GABRA2: variants seen among roughly 807,000 people sequenced by gnomAD.
GABRA2 encodes gamma-aminobutyric acid type A receptor subunit alpha2.
GABRA2 carries 16 observed loss-of-function variants against 48.7 expected under a neutral mutation model. The observed-to-expected ratio is 0.33, with a 90% confidence interval of 0.22 to 0.50. The LOEUF (loss-of-function observed/expected upper bound fraction) is 0.50, where lower values mean the gene tolerates loss of function less well. Ranked by LOEUF, GABRA2 falls within the 20% of genes least tolerant of loss-of-function variation. The probability of loss-of-function intolerance (pLI) is 0.98; values close to 1 mark genes in which losing one functional copy is unlikely to be tolerated. For missense variants in GABRA2, 275 were observed against 535.6 expected (o/e 0.51, Z 4.80); for synonymous variants, 185 against 184.5 (o/e 1.00, Z -0.02).
intron 4 of GABRA2, among the ~76,000 whole-genome samples, chr4:46,314,731 A>G (rs772295602): frequency 3.3e-5 from 5 of 152,070 alleles, no homozygotes; most frequent in Non-Finnish European, 7.4e-5. Context: ...AAGTGAGAAC[A>G]TGCATTATTT....
At chr4:46,385,932 T>G (rs1435723263) in intron 3 of GABRA2, 142 bp downstream of exon 3, 1 of 595,670 alleles carries the variant, frequency 1.7e-6, no homozygotes, top group Non-Finnish European at 2.9e-6. Context: ...CAATATTTTT[T>G]CATATATCTT....
At chr4:46,254,961 C>A (rs1292807833) in intron 9 of GABRA2, among the ~76,000 whole-genome samples, 1 of 151,564 alleles carries the variant, frequency 6.6e-6, no homozygotes, top group Non-Finnish European at 1.5e-5. Context: ...TACCTCCTTA[C>A]CATAACCAGG....
chr4:46,269,315 G>A (rs1255951915), intron 8 of GABRA2, among the ~76,000 whole-genome samples: 4 of 151,652 alleles, frequency 2.6e-5, no homozygotes, highest in Non-Finnish European at 5.9e-5. Context: ...TATATATACA[G>A]TTATGTGTCA....
At chr4:46,364,570 A>ATCACAACAATTTG (rs1713741913) in intron 3 of GABRA2, 1 of 152,176 alleles carries the variant, frequency 6.6e-6, no homozygotes, top group South Asian at 2.1e-4. Flanking sequence ...AAGCTCTTTC[A>ATCACAACAATTTG]GATTGTTGTC....
At chr4:46,305,304 T>C (rs111614972) in intron 7 of GABRA2, among the ~76,000 whole-genome samples, 2,206 of 149,718 alleles carry the variant, frequency 0.015, 63 homozygotes, top group African/African-American at 0.052. Context: ...AGGAGATATA[T>C]CTAATATTAA....
At chr4:46,261,872 C>A (rs536753752) in intron 9 of GABRA2, 54 bp downstream of exon 9, 3 of 1,371,602 alleles carry the variant, frequency 2.2e-6, no homozygotes, top group Non-Finnish European at 3.1e-6. Context: ...CTGTTACAAG[C>A]GGAATTCATT....
intron 8 of GABRA2, among the ~76,000 whole-genome samples, chr4:46,265,360 T>C (rs1717916157): frequency 4.3e-5 from 1 of 23,312 alleles, no homozygotes; most frequent in Non-Finnish European, 7.9e-5. Flanking sequence ...TGTATCTGTG[T>C]GTGTGTGTGT....
At position 46,246,081 on chromosome 4, in the gene GABRA2, A is replaced by G. The variant is rs1347673834; in HGVS notation, c.*4227T>C. On this transcript the variant is annotated 3_prime_UTR_variant, in exon 10 of 10. Coordinates refer to ENST00000381620, the MANE Select transcript of GABRA2 (RefSeq NM_000807.4). ...CTTTCACATGAACTTTCTCTACTTT[A>G]GTATTTTAGTTATGATGCTTACTAT... 6.6e-6 allele frequency among the ~76,000 whole-genome samples: 1 copy of G among 150,978 alleles called. No individual in the cohort carries two copies. Among genetic ancestry groups the G allele is most frequent in the East Asian group, 2.0e-4 (1 of 5,092 alleles).
chr4:46,291,768 A>AACACAC (rs1309654384), intron 8 of GABRA2, among the ~76,000 whole-genome samples: 14 of 126,684 alleles, frequency 1.1e-4, no homozygotes, highest in African/African-American at 3.9e-4. Context: ...ACTATTAATA[A>AACACAC]ACACACACAT....
At chr4:46,349,314 T>C (rs912875275) in intron 3 of GABRA2, among the ~76,000 whole-genome samples, 1 of 151,940 alleles carries the variant, frequency 6.6e-6, no homozygotes, top group Non-Finnish European at 1.5e-5. Context: ...ATGTAGGGAA[T>C]CTGTTTTTAT....
At chr4:46,299,217 G>A (rs1239998621) in intron 8 of GABRA2, among the ~76,000 whole-genome samples, 1 of 151,546 alleles carries the variant, frequency 6.6e-6, no homozygotes, top group Admixed American at 6.6e-5. Flanking sequence ...ATTTGGTTTG[G>A]CAGACATATC....
chr4:46,358,124 A>G (rs73244135), intron 3 of GABRA2, among the ~76,000 whole-genome samples: 2 of 152,286 alleles, frequency 1.3e-5, no homozygotes, highest in Non-Finnish European at 2.9e-5. Flanking sequence ...GATGATGATA[A>G]TGACAATGAA....
chr4:46,327,164 C>T (rs1409639272), intron 4 of GABRA2, among the ~76,000 whole-genome samples: 7 of 151,926 alleles, frequency 4.6e-5, no homozygotes, highest in Non-Finnish European at 1.0e-4. Context: ...CTTCCTCCGC[C>T]TCTTCACCAA....
intron 4 of GABRA2, among the ~76,000 whole-genome samples, chr4:46,321,645 G>A (rs772320634): frequency 2.0e-5 from 3 of 152,016 alleles, no homozygotes; most frequent in Non-Finnish European, 4.4e-5. Context: ...TATATCAGTT[G>A]ACTTATCTGT....
At chr4:46,275,475 G>A (rs1464059954) in intron 8 of GABRA2, among the ~76,000 whole-genome samples, 1 of 152,088 alleles carries the variant, frequency 6.6e-6, no homozygotes, top group African/African-American at 2.4e-5. Context: ...GCAGACCAGG[G>A]GTATCGCTCC....
chr4:46,332,185 CCAAT>C (rs746965822), intron 4 of GABRA2, among the ~76,000 whole-genome samples: 7 of 152,136 alleles, frequency 4.6e-5, no homozygotes, highest in Admixed American at 2.6e-4. Context: ...TTGCTCAATA[CCAAT>C]CAAAGGGTTT....
intron 3 of GABRA2, among the ~76,000 whole-genome samples, chr4:46,359,339 AC>A (rs1422467519): frequency 2.0e-5 from 3 of 152,272 alleles, no homozygotes; most frequent in Admixed American, 6.5e-5. Context: ...TCTTTATAGC[AC>A]TTAAGATTCT....
chr4:46,367,070 T>A (rs1374013237), intron 3 of GABRA2: 2 of 152,078 alleles, frequency 1.3e-5, no homozygotes, highest in Non-Finnish European at 2.9e-5. Flanking sequence ...TCCATTTCAC[T>A]ATATTAAATC....
At position 46,322,547 on chromosome 4, in the gene GABRA2, A is replaced by G. The variant is rs138198148; in HGVS notation, c.256-9831T>C. Among the ~76,000 whole-genome samples the G allele has an allele frequency of 2.7e-3, 418 of 152,072 alleles. 5 individuals carry two copies. The highest frequency in any genetic ancestry group is 9.7e-3 in the African/African-American group (404 of 41,526). On this transcript the variant is annotated intron_variant, in intron 4 of 9. Transcript: ENST00000381620. ...CTGATTTATCATGCTGCATTTTACT[A>G]TGCAAACTCACTAACCTCTGTTGAT...
Sources: gnomAD v4.1 joint callset for allele counts (sites outside exome capture counted in the v4.1 genomes callset) on GRCh38, gnomAD v4.1.1 for gene constraint, MANE v1.5 for transcripts, NCBI Gene and HGNC (gene_info 2026-07-23, HGNC 2026-07-21) for gene names.